The following NUDT3 variants were observed in gnomAD, a reference collection of about 807,000 sequenced individuals.
NUDT3 encodes diphosphoinositol polyphosphate phosphohydrolase 1.
NUDT3 carries 9 observed loss-of-function variants against 23.6 expected under a neutral mutation model. The observed-to-expected ratio is 0.38, with a 90% CI of 0.23 to 0.66. NUDT3 has a LOEUF of 0.66. Ranked by LOEUF, NUDT3 falls within the 30% of genes least tolerant of loss-of-function variation. The pLI, the probability that NUDT3 is intolerant of heterozygous loss-of-function variation, is 0.52. For missense variants in NUDT3, 172 were observed against 218.5 expected, an observed-to-expected ratio of 0.79 and a Z score of 1.34; for synonymous variants, 86 against 82.6, an observed-to-expected ratio of 1.04 and a Z score of -0.22.
At chr6:34,343,986 A>G (rs753094316) in intron 1 of NUDT3, among the ~76,000 whole-genome samples, 28 of 152,360 alleles carry the variant, frequency 1.8e-4, no homozygotes, top group Non-Finnish European at 3.5e-4. Flanking sequence ...AAAATGAGAT[A>G]CTACTTCACA....
At chr6:34,328,901 AAATCCT>A (rs1253968342) in intron 2 of NUDT3, among the ~76,000 whole-genome samples, 1 of 152,166 alleles carries the variant, frequency 6.6e-6, no homozygotes, top group African/African-American at 2.4e-5. Context: ...TTTCTCTGAT[AAATCCT>A]ATGATAGCCT....
chr6:34,324,341 C>G (rs1763990586), intron 2 of NUDT3, among the ~76,000 whole-genome samples: 1 of 145,684 alleles, frequency 6.9e-6, no homozygotes, highest in African/African-American at 2.6e-5. Context: ...GGCGACAGAG[C>G]AAGACTACGC....
At chr6:34,318,786 C>T (rs1218433535) in intron 2 of NUDT3, among the ~76,000 whole-genome samples, 1 of 151,994 alleles carries the variant, frequency 6.6e-6, no homozygotes, top group East Asian at 1.9e-4. Flanking sequence ...TGGCCTCAAA[C>T]TCCTGGACTC....
At chr6:34,347,238 A>G (rs1764385957) in intron 1 of NUDT3, among the ~76,000 whole-genome samples, 1 of 152,238 alleles carries the variant, frequency 6.6e-6, no homozygotes, top group South Asian at 2.1e-4. Flanking sequence ...ATAATACACT[A>G]AGGGGAAAAA....
intron 2 of NUDT3, among the ~76,000 whole-genome samples, chr6:34,297,992 A>T (rs1178556211): frequency 2.6e-5 from 4 of 151,784 alleles, no homozygotes; most frequent in Non-Finnish European, 5.9e-5. Flanking sequence ...TTCTTAAACT[A>T]GAAGTTTATG....
chr6:34,372,308 G>A (rs1426612689), intron 1 of NUDT3, among the ~76,000 whole-genome samples: 1 of 152,148 alleles, frequency 6.6e-6, no homozygotes, highest in African/African-American at 2.4e-5. Context: ...AGATCCTTGA[G>A]GAATTGCCAC....
intron 2 of NUDT3, among the ~76,000 whole-genome samples, chr6:34,302,177 ACG>A (rs1763607852): frequency 1.3e-5 from 2 of 149,312 alleles, no homozygotes; most frequent in African/African-American, 4.9e-5. Context: ...GACTACAGGC[ACG>A]TGCCATCACA....
Position 34,288,599 on chromosome 6 carries a change from A to G in NUDT3, c.*154T>C. On this transcript the variant is annotated 3_prime_UTR_variant, in exon 5 of 5. Coordinates refer to ENST00000607016, the MANE Select transcript of NUDT3 (RefSeq NM_006703.4). ...GAAAAAGCCCCATCACTTAACACCA[A>G]ACAGCAACATTATCAATACACCCTT... The G allele has an allele frequency of 9.4e-7, 1 of 1,061,042 alleles. No individual in the cohort carries two copies. Among genetic ancestry groups the G allele is most frequent in the Non-Finnish European group, 1.3e-6 (1 of 762,622 alleles). The allele number at this position is 1,061,042 out of a possible 1,614,324, so 65.7% of individuals were successfully genotyped here. A position where few individuals can be genotyped will look rare whatever the true frequency, so the allele number is the denominator to read the frequency against.
chr6:34,355,615 G>A (rs1764549605), intron 1 of NUDT3, among the ~76,000 whole-genome samples: 1 of 141,458 alleles, frequency 7.1e-6, no homozygotes, highest in Non-Finnish European at 1.5e-5. Flanking sequence ...TAAAGAAATT[G>A]TGTAGAATGA....
chr6:34,299,178 GAT>G (rs1763558896), intron 2 of NUDT3, among the ~76,000 whole-genome samples: 2 of 152,312 alleles, frequency 1.3e-5, no homozygotes, highest in South Asian at 4.1e-4. Context: ...ACATCTGACA[GAT>G]ATTTGGCTCA....
chr6:34,392,505 G>A lies in NUDT3; in HGVS notation c.-143C>T. ...AGCTTCTCCGCTACACGGCTCCGCC[G>A]CTGGCCCGCCGCGGCCGCCTCATTC... On this transcript the variant is annotated 5_prime_UTR_variant, in exon 1 of 5. Coordinates refer to ENST00000607016, the MANE Select transcript of NUDT3 (RefSeq NM_006703.4). 2 of 508,586 alleles carry A rather than the reference G, an allele frequency of 3.9e-6. No homozygotes were observed. The highest frequency in any genetic ancestry group is 6.8e-6 in the Non-Finnish European group (2 of 294,924). The allele number at this position is 508,586 out of a possible 1,614,324, so 31.5% of individuals were successfully genotyped here.
At chr6:34,338,753 T>C (rs1764246898) in intron 2 of NUDT3, among the ~76,000 whole-genome samples, 1 of 152,214 alleles carries the variant, frequency 6.6e-6, no homozygotes, top group African/African-American at 2.4e-5. Flanking sequence ...TAGAGGGGGA[T>C]GCTTTGCAAA....
intron 2 of NUDT3, among the ~76,000 whole-genome samples, chr6:34,323,564 C>A (rs1464732044): frequency 6.7e-6 from 1 of 150,214 alleles, no homozygotes; most frequent in Non-Finnish European, 1.5e-5. Context: ...GAGATCCTGT[C>A]TCAAAAAAAA....
At chr6:34,294,458 G>A (rs1328278854) in intron 3 of NUDT3, among the ~76,000 whole-genome samples, 1 of 151,962 alleles carries the variant, frequency 6.6e-6, no homozygotes, top group Non-Finnish European at 1.5e-5. Context: ...CAGGGGCGGT[G>A]GCTCATGCTT....
intron 2 of NUDT3, among the ~76,000 whole-genome samples, chr6:34,304,251 CAAAAAA>C (rs60576919): frequency 2.5e-5 from 2 of 81,180 alleles, no homozygotes; most frequent in Non-Finnish European, 5.2e-5. Context: ...AACTCTGTCT[CAAAAAA>C]AAAAAAAAAA....
chr6:34,356,346 C>T (rs901929347), intron 1 of NUDT3, among the ~76,000 whole-genome samples: 14 of 152,122 alleles, frequency 9.2e-5, no homozygotes, highest in Admixed American at 2.0e-4. Flanking sequence ...ATTATCCTTT[C>T]GATATCTGTA....
intron 2 of NUDT3, among the ~76,000 whole-genome samples, chr6:34,315,294 G>C (rs1386638491): frequency 6.6e-6 from 1 of 152,192 alleles, no homozygotes; most frequent in Non-Finnish European, 1.5e-5. Flanking sequence ...GCCAGTTTCA[G>C]TTTGAAATGA....
intron 1 of NUDT3, among the ~76,000 whole-genome samples, chr6:34,364,640 T>A (rs1265062621): frequency 1.3e-5 from 2 of 152,290 alleles, no homozygotes; most frequent in Admixed American, 6.5e-5. Context: ...TTACCTCCCA[T>A]CATAAATCAA....
chr6:34,330,490 T>C (rs1318481349), intron 2 of NUDT3, among the ~76,000 whole-genome samples: 5 of 152,236 alleles, frequency 3.3e-5, no homozygotes, highest in Non-Finnish European at 7.3e-5. Context: ...GCATTTTCCA[T>C]ATTCTTATTA....
Sources: gnomAD v4.1 joint callset for allele counts (sites outside exome capture counted in the v4.1 genomes callset) on GRCh38, gnomAD v4.1.1 for gene constraint, MANE v1.5 for transcripts, NCBI Gene and HGNC (gene_info 2026-07-23, HGNC 2026-07-21) for gene names.